The following MAPK10 variants were observed in gnomAD, a reference collection of about 807,000 sequenced individuals.
MAPK10 encodes the protein mitogen-activated protein kinase 10.
In MAPK10, 25 loss-of-function variants were observed where a neutral mutation model predicts 59.3. The ratio of observed to expected loss-of-function variants is 0.42; its 90% CI spans 0.31 to 0.59. MAPK10 has a LOEUF of 0.59. Among genes scored for constraint, MAPK10 ranks in the 20% least tolerant of loss-of-function variants. MAPK10 has a pLI of 0.15. For synonymous variants in MAPK10, 190 were observed against 200.5 expected, an observed-to-expected ratio of 0.95 and a Z score of 0.44; for missense variants, 351 against 568.9, an observed-to-expected ratio of 0.62 and a Z score of 3.90.
At chr4:86,066,156 CTAGT>C (rs757684783) in intron 10 of MAPK10, among the ~76,000 whole-genome samples, 9 of 152,234 alleles carry the variant, frequency 5.9e-5, no homozygotes, top group African/African-American at 1.9e-4. Context: ...TGAAAAATCA[CTAGT>C]TAAACTTGAG....
At chr4:86,397,887 A>C (rs1158896377) in intron 1 of MAPK10, among the ~76,000 whole-genome samples, 1 of 151,196 alleles carries the variant, frequency 6.6e-6, no homozygotes, top group Non-Finnish European at 1.5e-5. Flanking sequence ...AAAAAAAAAA[A>C]AAACTGGCTT....
intron 2 of MAPK10, among the ~76,000 whole-genome samples, chr4:86,333,078 TG>T (rs2096192666): frequency 6.6e-6 from 1 of 152,176 alleles, no homozygotes; most frequent in South Asian, 2.1e-4. Flanking sequence ...TCCAAGTAGC[TG>T]AGACTACAGG....
At chr4:86,028,319 T>C (rs1751370644) in intron 13 of MAPK10, 1 of 152,190 alleles carries the variant, frequency 6.6e-6, no homozygotes, top group South Asian at 2.1e-4. Flanking sequence ...TCAAGTCTAC[T>C]GGTGAGAAAA....
chr4:86,048,741 T>G (rs1456672864), intron 11 of MAPK10, among the ~76,000 whole-genome samples: 6 of 152,112 alleles, frequency 3.9e-5, no homozygotes, highest in Non-Finnish European at 8.8e-5. Context: ...TTAGAAACAT[T>G]ATTAAGGAAA....
At chr4:86,335,471 G>A (rs1332303953) in intron 2 of MAPK10, among the ~76,000 whole-genome samples, 1 of 152,182 alleles carries the variant, frequency 6.6e-6, no homozygotes, top group Non-Finnish European at 1.5e-5. Context: ...AGAAATGGCG[G>A]ACTAAAAATA....
intron 13 of MAPK10, chr4:86,024,062 TGA>T (rs1365670826): frequency 6.6e-6 from 1 of 151,924 alleles, no homozygotes; most frequent in Non-Finnish European, 1.5e-5. Context: ...GGTCTTCTCT[TGA>T]GATAGGCTTT....
intron 3 of MAPK10, among the ~76,000 whole-genome samples, chr4:86,184,237 T>C (rs868075269): frequency 8.5e-5 from 13 of 152,270 alleles, no homozygotes; most frequent in African/African-American, 3.1e-4. Context: ...TTGAATGGTA[T>C]TGCCTAGGTT....
chr4:86,317,961 T>G (rs534647788), intron 2 of MAPK10, among the ~76,000 whole-genome samples: 23 of 152,296 alleles, frequency 1.5e-4, no homozygotes, highest in African/African-American at 5.5e-4. Flanking sequence ...TCCTTGGAGT[T>G]CTCTGCCTTG....
chr4:86,079,297 A>G (rs1345294350), intron 9 of MAPK10, among the ~76,000 whole-genome samples: 2 of 152,182 alleles, frequency 1.3e-5, no homozygotes. Context: ...GAAGCATGCT[A>G]TAAATCTATT....
chr4:86,160,411 G>A (rs2069188746), intron 3 of MAPK10: 1 of 151,920 alleles, frequency 6.6e-6, no homozygotes, highest in South Asian at 2.1e-4. Context: ...TTTTGTTCAG[G>A]TTTTAAGCAC....
At chr4:86,230,155 C>T (rs779944842) in intron 2 of MAPK10, among the ~76,000 whole-genome samples, 6 of 152,118 alleles carry the variant, frequency 3.9e-5, no homozygotes, top group Non-Finnish European at 7.4e-5. Flanking sequence ...AGGTACTTCC[C>T]AAACGTTTTT....
intron 13 of MAPK10, among the ~76,000 whole-genome samples, chr4:86,021,977 G>A (rs963509924): frequency 5.9e-5 from 9 of 152,308 alleles, no homozygotes; most frequent in East Asian, 3.9e-4. Context: ...CCGGGTTCCC[G>A]CTCGTGCCTC....
rs574886348 is a variant in MAPK10, at chr4:86,212,746, C to T, written c.-6-18339G>A. On this transcript the variant is annotated intron_variant, in intron 2 of 13. Coordinates refer to ENST00000641462, the MANE Select transcript of MAPK10 (RefSeq NM_138982.4). Reference sequence around the variant, plus strand: ...ATATAGGAAGCAAAAATTCACAAGACTGGAAGGAGAAATTGACAGATGTAC... The same window carrying T: ...ATATAGGAAGCAAAAATTCACAAGATTGGAAGGAGAAATTGACAGATGTAC... 2.0e-5 allele frequency among the ~76,000 whole-genome samples: 3 copies of T among 152,208 alleles called. No individual in the cohort carries two copies. The South Asian group carries it at 6.2e-4, about 32-fold the overall frequency.
At chr4:86,226,291 G>A (rs543337399) in intron 2 of MAPK10, among the ~76,000 whole-genome samples, 1 of 152,128 alleles carries the variant, frequency 6.6e-6, no homozygotes, top group Non-Finnish European at 1.5e-5. Context: ...AATAGGCTAG[G>A]CTTACTCTCC....
At chr4:86,560,293 T>C (rs1231091099) in intron 1 of MAPK10, among the ~76,000 whole-genome samples, 2 of 152,228 alleles carry the variant, frequency 1.3e-5, no homozygotes, top group East Asian at 3.8e-4. Context: ...AATTGGTGGA[T>C]ATTTTCAGTA....
chr4:86,147,164 G>A lies in MAPK10; in HGVS notation c.236+12134C>T, dbSNP rs570913540. 3.3e-5 allele frequency among the ~76,000 whole-genome samples: 5 copies of A among 151,544 alleles called. No individual in the cohort carries two copies. The East Asian group carries it at 5.9e-4, about 18-fold the overall frequency. ...TGCAGTAGCATGATCATGGCTCACT[G>A]CAACCTCCGCCTCCTGGGTACAAGG... On this transcript the variant is annotated intron_variant, in intron 4 of 13. Transcript: ENST00000641462.
At chr4:86,468,521 G>C (rs1029767878) in intron 1 of MAPK10, among the ~76,000 whole-genome samples, 6 of 152,138 alleles carry the variant, frequency 3.9e-5, no homozygotes, top group Non-Finnish European at 7.4e-5. Flanking sequence ...AGGTGAAACA[G>C]AATAGTTTTT....
At chr4:86,118,304 T>G (rs1245680895) in intron 4 of MAPK10, among the ~76,000 whole-genome samples, 1 of 152,174 alleles carries the variant, frequency 6.6e-6, no homozygotes, top group Non-Finnish European at 1.5e-5. Flanking sequence ...GAATCTTACT[T>G]TTTTTCTTTC....
At chr4:86,205,491 T>A (rs954043676) in intron 2 of MAPK10, among the ~76,000 whole-genome samples, 2 of 151,790 alleles carry the variant, frequency 1.3e-5, no homozygotes, top group African/African-American at 2.4e-5. Flanking sequence ...TTTGTTGAGG[T>A]TCATAAACTA....
Sources: gnomAD v4.1 joint callset for allele counts (sites outside exome capture counted in the v4.1 genomes callset) on GRCh38, gnomAD v4.1.1 for gene constraint, MANE v1.5 for transcripts, NCBI Gene and HGNC (gene_info 2026-07-23, HGNC 2026-07-21) for gene names.